The following CTNNA2 variants were observed in gnomAD, a reference collection of about 807,000 sequenced individuals.
CTNNA2 encodes the protein catenin alpha 2.
Under a neutral mutation model 101.0 loss-of-function variants are expected in CTNNA2, and 42 were observed. That is an observed-to-expected ratio of 0.42 (90% CI 0.32 to 0.54). The LOEUF (loss-of-function observed/expected upper bound fraction) is 0.54. CTNNA2 is among the 20% of genes least tolerant of loss of function. The pLI is 0.14. For synonymous variants in CTNNA2, 450 were observed against 456.4 expected, an observed-to-expected ratio of 0.99 and a Z score of 0.18; for missense variants, 871 against 1,223.1, an observed-to-expected ratio of 0.71 and a Z score of 4.29.
At chr2:79,264,181 C>T (rs940310237) in intron 2 of CTNNA2, among the ~76,000 whole-genome samples, 4 of 152,032 alleles carry the variant, frequency 2.6e-5, no homozygotes, top group Admixed American at 1.3e-4. Flanking sequence ...CTGTCCAGAC[C>T]TGGTTTTAAA....
At chr2:79,687,315 C>T (rs1420249991) in intron 2 of CTNNA2, among the ~76,000 whole-genome samples, 1 of 151,982 alleles carries the variant, frequency 6.6e-6, no homozygotes, top group African/African-American at 2.4e-5. Flanking sequence ...TTTCCAAGTT[C>T]TAAGGAGCAC....
At chr2:79,564,919 T>A (rs1675013600) in intron 1 of CTNNA2, among the ~76,000 whole-genome samples, 1 of 152,206 alleles carries the variant, frequency 6.6e-6, no homozygotes, top group South Asian at 2.1e-4. Context: ...AATTAAGCAC[T>A]GTTTTATTTA....
chr2:80,399,679 C>G (rs2149377420), intron 8 of CTNNA2, among the ~76,000 whole-genome samples: 1 of 152,248 alleles, frequency 6.6e-6, no homozygotes, highest in East Asian at 1.9e-4. Context: ...TGACTGAGCC[C>G]CAAAACACCT....
chr2:79,853,078 G>A lies in CTNNA2; in HGVS notation c.299-4935G>A, dbSNP rs192622610. Among the ~76,000 whole-genome samples the A allele has an allele frequency of 9.1e-4, 138 of 151,936 alleles. 1 individual carries two copies. Among genetic ancestry groups the A allele is most frequent in the African/African-American group, 3.2e-3 (133 of 41,416 alleles). On this transcript the variant is annotated intron_variant, in intron 3 of 18. Transcript: ENST00000402739. ...AGACACAGTTTCACCATGTTGGCCA[G>A]GCTAGTCTTGAACTCCTGACCTCAA...
intron 2 of CTNNA2, among the ~76,000 whole-genome samples, chr2:79,255,255 T>G (rs1206321647): frequency 6.6e-6 from 1 of 152,194 alleles, no homozygotes; most frequent in East Asian, 1.9e-4. Flanking sequence ...CTAAGCATCA[T>G]CATCTATCAA....
chr2:80,135,786 AAG>A (rs1702661333), intron 7 of CTNNA2, among the ~76,000 whole-genome samples: 1 of 152,102 alleles, frequency 6.6e-6, no homozygotes, highest in South Asian at 2.1e-4. Flanking sequence ...GGCTCCCTGA[AAG>A]AGTTATATCC....
intron 3 of CTNNA2, among the ~76,000 whole-genome samples, chr2:79,835,627 A>G (rs1269747840): frequency 2.2e-5 from 3 of 135,736 alleles, no homozygotes. Context: ...AGCCTAAAGG[A>G]TCCTTGCCAC....
chr2:80,547,750 C>T (rs113432829), intron 11 of CTNNA2, among the ~76,000 whole-genome samples: 11 of 134,006 alleles, frequency 8.2e-5, no homozygotes, highest in South Asian at 7.4e-4. Context: ...AGTGCAATGG[C>T]GCGATCTTGA....
At chr2:80,330,656 C>T (rs942438024) in intron 7 of CTNNA2, among the ~76,000 whole-genome samples, 1 of 152,170 alleles carries the variant, frequency 6.6e-6, no homozygotes, top group Non-Finnish European at 1.5e-5. Flanking sequence ...ACTCTATGCT[C>T]TGCTGTGGGT....
intron 7 of CTNNA2, among the ~76,000 whole-genome samples, chr2:80,332,257 A>T (rs765947570): frequency 5.3e-5 from 8 of 152,188 alleles, no homozygotes; most frequent in Non-Finnish European, 7.3e-5. Context: ...AACAGGCATT[A>T]CTATATTAAG....
At chr2:80,308,456 T>G (rs1041852943) in intron 7 of CTNNA2, among the ~76,000 whole-genome samples, 30 of 152,166 alleles carry the variant, frequency 2.0e-4, no homozygotes, top group African/African-American at 7.0e-4. Flanking sequence ...TTTAGAAGAA[T>G]TGGCGGAGAG....
chr2:79,539,163 C>T (rs991983657), intron 1 of CTNNA2, among the ~76,000 whole-genome samples: 29 of 152,222 alleles, frequency 1.9e-4, no homozygotes, highest in African/African-American at 5.3e-4. Context: ...TGTGAGTCAG[C>T]GGTGTTGTGC....
chr2:79,486,061 GATTTA>G lies in CTNNA2; in HGVS notation c.-134-18992_-134-18988del, dbSNP rs1404091574. Among the ~76,000 whole-genome samples, 3 of 152,082 alleles carry G rather than the reference GATTTA, an allele frequency of 2.0e-5. No individual in the cohort carries two copies. In the East Asian group the frequency reaches 5.8e-4, roughly 29 times the overall value. ...ACAAAAGTGAAAGCTGATTTAAAATGATTTATTTTATTTTATTTTATTATTATTAT... is the reference window on the plus strand; with the variant it reads ...ACAAAAGTGAAAGCTGATTTAAAATGTTTTATTTTATTTTATTATTATTAT... On this transcript the variant is annotated intron_variant, in intron 4 of 21. Transcript: ENST00000466387.
intron 1 of CTNNA2, among the ~76,000 whole-genome samples, chr2:79,630,443 C>T (rs898856836): frequency 6.6e-6 from 1 of 152,116 alleles, no homozygotes; most frequent in Non-Finnish European, 1.5e-5. Flanking sequence ...TATTTATACA[C>T]AGAAACACAC....
chr2:79,304,227 G>A (rs1192363614), intron 2 of CTNNA2, among the ~76,000 whole-genome samples: 5 of 152,030 alleles, frequency 3.3e-5, no homozygotes, highest in African/African-American at 1.2e-4. Context: ...TTCTGCTTCT[G>A]GTACGAAAAA....
chr2:79,651,893 G>C (rs1441426983), intron 2 of CTNNA2, among the ~76,000 whole-genome samples: 1 of 152,106 alleles, frequency 6.6e-6, no homozygotes. Flanking sequence ...TAATTGAAGA[G>C]GGGTCCTTGG....
intron 7 of CTNNA2, among the ~76,000 whole-genome samples, chr2:80,297,314 C>T (rs1675834108): frequency 6.6e-6 from 1 of 152,166 alleles, no homozygotes; most frequent in Non-Finnish European, 1.5e-5. Flanking sequence ...TTAGCACATC[C>T]CAGTGCTTCC....
In CTNNA2 at chr2:80,437,274, C is replaced by T. The variant is rs367892604; in HGVS notation, c.1290+17673C>T. Among the ~76,000 whole-genome samples, 50 of 152,220 alleles carry T rather than the reference C, an allele frequency of 3.3e-4. No homozygotes were observed. In the East Asian group the frequency reaches 6.4e-3, roughly 19 times the overall value. Reference sequence around the variant, plus strand: ...ACAGCCACTTTTTGGAGATTCGCAACGTACTTAGTCACTGAGAAACATACT... The same window carrying T: ...ACAGCCACTTTTTGGAGATTCGCAATGTACTTAGTCACTGAGAAACATACT... On this transcript the variant is annotated intron_variant, in intron 9 of 18. Transcript: ENST00000402739.
chr2:79,230,156 G>A lies in CTNNA2; in HGVS notation c.-406+32080G>A, dbSNP rs59253582. Among the ~76,000 whole-genome samples the A allele has an allele frequency of 2.0e-3, 309 of 152,326 alleles. 1 individual carries two copies. The highest frequency in any genetic ancestry group is 7.0e-3 in the African/African-American group (293 of 41,578). On this transcript the variant is annotated intron_variant, in intron 2 of 21. Transcript: ENST00000466387. ...TTGGGTAAATAATGAGGAGCCAAAT[G>A]TTAATTCCCAATACAATGGGGAAAA...
Sources: allele counts gnomAD v4.1 joint callset (sites outside exome capture counted in the v4.1 genomes callset), GRCh38; gene constraint gnomAD v4.1.1; transcripts MANE v1.5; gene names NCBI Gene and HGNC (gene_info 2026-07-23, HGNC 2026-07-21).